PLEKHM3: variants seen among roughly 807,000 people sequenced by gnomAD.
PLEKHM3 encodes the protein pleckstrin homology domain-containing family M member 3.
Under a neutral mutation model 81.8 loss-of-function variants are expected in PLEKHM3, and 45 were observed. The observed-to-expected ratio is 0.55, with a 90% CI of 0.43 to 0.71. PLEKHM3 has a LOEUF of 0.71. Ranked by LOEUF, PLEKHM3 falls within the 30% of genes least tolerant of loss-of-function variation. The probability of loss-of-function intolerance (pLI) is 0.00; values close to 1 mark genes in which losing one functional copy is unlikely to be tolerated. For missense variants in PLEKHM3, 788 were observed against 924.3 expected (o/e 0.85, Z 1.91); for synonymous variants, 352 against 356.4 (o/e 0.99, Z 0.14).
chr2:208,007,535 G>A (rs1300815372), intron 1 of PLEKHM3, among the ~76,000 whole-genome samples: 1 of 152,186 alleles, frequency 6.6e-6, no homozygotes, highest in Non-Finnish European at 1.5e-5. Context: ...ATTTTCATAG[G>A]TTTGAAGCAA....
intron 6 of PLEKHM3, among the ~76,000 whole-genome samples, chr2:207,873,246 C>T (rs2092544121): frequency 6.6e-6 from 1 of 152,002 alleles, no homozygotes; most frequent in Non-Finnish European, 1.5e-5. Flanking sequence ...TTTCATTGCT[C>T]AATGAAGCTG....
In PLEKHM3 at chr2:208,000,268, C is replaced by T. The variant is rs189896049; in HGVS notation, c.610+762G>A. On this transcript the variant is annotated intron_variant, in intron 2 of 7. Coordinates refer to ENST00000427836, the MANE Select transcript of PLEKHM3 (RefSeq NM_001080475.3). Reference sequence around the variant, plus strand: ...CAGGGTCTGCTTGCTCTCTTCTGCACGCCCTTCTCCCCACCTTTGTTTACA... The same window carrying T: ...CAGGGTCTGCTTGCTCTCTTCTGCATGCCCTTCTCCCCACCTTTGTTTACA... Among the ~76,000 whole-genome samples the T allele has an allele frequency of 3.7e-4, 57 of 152,278 alleles. 1 individual carries two copies. The highest frequency in any genetic ancestry group is 2.3e-3 in the East Asian group (12 of 5,178).
At chr2:208,021,334 C>T (rs1055726400) in intron 1 of PLEKHM3, among the ~76,000 whole-genome samples, 1 of 152,206 alleles carries the variant, frequency 6.6e-6, no homozygotes, top group African/African-American at 2.4e-5. Flanking sequence ...TTTTAATGAA[C>T]ATTCAGCCAT....
intron 1 of PLEKHM3, among the ~76,000 whole-genome samples, chr2:208,020,104 C>A (rs1412899330): frequency 6.6e-6 from 1 of 152,180 alleles, no homozygotes; most frequent in African/African-American, 2.4e-5. Context: ...ATCACACCTA[C>A]AGAACACAAG....
At chr2:207,833,602 T>A (rs1331268938) in intron 7 of PLEKHM3, among the ~76,000 whole-genome samples, 1 of 152,062 alleles carries the variant, frequency 6.6e-6, no homozygotes, top group African/African-American at 2.4e-5. Flanking sequence ...TGTGAGGGGG[T>A]GTCCTGTGCA....
Position 207,938,776 on chromosome 2 carries a change from A to G in PLEKHM3, c.1692+7591T>C, listed in dbSNP as rs115035260. 2.2e-4 allele frequency among the ~76,000 whole-genome samples: 33 copies of G among 152,320 alleles called. 1 individual carries two copies. Among genetic ancestry groups the G allele is most frequent in the African/African-American group, 7.5e-4 (31 of 41,574 alleles). On this transcript the variant is annotated intron_variant, in intron 4 of 7. Coordinates refer to ENST00000427836, the MANE Select transcript of PLEKHM3 (RefSeq NM_001080475.3). ...AACACGGATGAAGCGAGTGTACCTA[A>G]TATCTTCAATTGCCTAGCTATCCTC... is the stretch of plus-strand genomic sequence containing the variant.
At chr2:207,973,649 G>C (rs925879015) in intron 3 of PLEKHM3, among the ~76,000 whole-genome samples, 2 of 152,132 alleles carry the variant, frequency 1.3e-5, no homozygotes, top group Admixed American at 6.5e-5. Flanking sequence ...TGAGGCAGGA[G>C]AATCACTTGA....
chr2:208,011,766 T>A (rs886832734), intron 1 of PLEKHM3, among the ~76,000 whole-genome samples: 5 of 151,356 alleles, frequency 3.3e-5, no homozygotes, highest in Admixed American at 3.3e-4. Context: ...TAAAAAAAAT[T>A]TTTAAGTGCT....
chr2:207,823,007 C>A lies in PLEKHM3; in HGVS notation c.*5312G>T, dbSNP rs537416665. ...GAGAGGCTGGTTTGCAGCTTCACGG[C>A]CAATAGGAGGGAGCCCTCCTAAGAG... On this transcript the variant is annotated 3_prime_UTR_variant, in exon 8 of 8. Transcript: ENST00000427836. The A allele has an allele frequency of 3.3e-5, 5 of 152,386 alleles. No homozygotes were observed. In the East Asian group the frequency reaches 5.8e-4, roughly 18 times the overall value. 9.4% of individuals were successfully genotyped at this position (152,386 alleles called of 1,614,324 possible). A position where few individuals can be genotyped will look rare whatever the true frequency, so the allele number is the denominator to read the frequency against.
intron 3 of PLEKHM3, among the ~76,000 whole-genome samples, chr2:207,947,205 C>T (rs1442475041): frequency 6.6e-6 from 1 of 152,132 alleles, no homozygotes; most frequent in Admixed American, 6.6e-5. Flanking sequence ...CCTCATTGTT[C>T]CCCAAATAAA....
At chr2:207,983,490 ATCACCATT>A (rs2106049430) in intron 2 of PLEKHM3, among the ~76,000 whole-genome samples, 1 of 152,244 alleles carries the variant, frequency 6.6e-6, no homozygotes, top group South Asian at 2.1e-4. Context: ...CGGACAGAGT[ATCACCATT>A]TCCCCAAAGA....
rs1373798143 is a variant in PLEKHM3, at chr2:207,821,632, A to C, written c.*6687T>G. The C allele has an allele frequency of 6.6e-6, 1 of 152,212 alleles. No individual in the cohort carries two copies. The highest frequency in any genetic ancestry group is 2.4e-5 in the African/African-American group (1 of 41,458). 9.4% of individuals were successfully genotyped at this position (152,212 alleles called of 1,614,324 possible). On this transcript the variant is annotated 3_prime_UTR_variant, in exon 8 of 8. Coordinates refer to ENST00000427836, the MANE Select transcript of PLEKHM3 (RefSeq NM_001080475.3). ...GAGCAGATATAAGAAAAAATGGCATAGACCTGACCCAGGAGCTACAGAACA... is the reference window on the plus strand; with the variant it reads ...GAGCAGATATAAGAAAAAATGGCATCGACCTGACCCAGGAGCTACAGAACA...
At chr2:207,997,744 A>G (rs541263404) in intron 2 of PLEKHM3, among the ~76,000 whole-genome samples, 10 of 152,284 alleles carry the variant, frequency 6.6e-5, no homozygotes, top group African/African-American at 2.2e-4. Flanking sequence ...AATGCTCACC[A>G]GGCAGTTGGA....
At chr2:208,014,976 G>A (rs1196827108) in intron 1 of PLEKHM3, among the ~76,000 whole-genome samples, 1 of 152,198 alleles carries the variant, frequency 6.6e-6, no homozygotes, top group African/African-American at 2.4e-5. Context: ...AAGGTAGAAT[G>A]ATATATTTGA....
intron 7 of PLEKHM3, among the ~76,000 whole-genome samples, chr2:207,830,781 G>A (rs1298948373): frequency 6.6e-6 from 1 of 151,888 alleles, no homozygotes; most frequent in South Asian, 2.1e-4. Flanking sequence ...GCAGCGCCCT[G>A]TGGGGACATA....
At position 207,931,068 on chromosome 2, in the gene PLEKHM3, T is replaced by C; in HGVS notation, c.1744A>G (p.Ile582Val). ...ATGGCGTTCTCCTGCTGGATGTCGATGAGCGGCTCTTCGTACACGTACTCC... is the reference window on the plus strand; with the variant it reads ...ATGGCGTTCTCCTGCTGGATGTCGACGAGCGGCTCTTCGTACACGTACTCC... ...FLEYVYEEPL[I>V]DIQQENAMLY... is the part of the protein sequence containing the mutation. Residue 582 changes from isoleucine (I) to valine (V), a missense_variant, in exon 5 of 8, where the codon ATC becomes GTC. Physicochemically the swap from Ile to Val is conservative, Grantham distance 29. Coordinates refer to ENST00000427836, the MANE Select transcript of PLEKHM3 (RefSeq NM_001080475.3). The C allele has an allele frequency of 6.2e-7, 1 of 1,614,090 alleles. No homozygotes were observed. The highest frequency in any genetic ancestry group is 8.5e-7 in the Non-Finnish European group (1 of 1,179,940).
Position 207,861,223 on chromosome 2 carries a change from T to C in PLEKHM3, c.1990A>G (p.Ile664Val). The C allele has an allele frequency of 6.2e-7, 1 of 1,614,136 alleles. No individual in the cohort carries two copies. Among genetic ancestry groups the C allele is most frequent in the Non-Finnish European group, 8.5e-7 (1 of 1,180,012 alleles). The change falls in exon 7 of 8, where the codon ATT becomes GTT. Residue 664 changes from isoleucine (I) to valine (V), a missense_variant. By Grantham distance (29) the Ile-to-Val change is conservative. Transcript: ENST00000427836. ...TACACGTGTGAGGTGGCAAATTTAA[T>C]GACCTTGCCCAAGAATGGAGCCAGC... is the stretch of plus-strand genomic sequence containing the variant. ...GKLAPFLGKV[I>V]KFATSHVYSC... is the part of the protein sequence containing the mutation.
At chr2:207,984,024 T>C (rs143135778) in intron 2 of PLEKHM3, among the ~76,000 whole-genome samples, 94 of 152,302 alleles carry the variant, frequency 6.2e-4, no homozygotes, top group Middle Eastern at 3.4e-3. Context: ...GTAAAGTCCA[T>C]ACTCCTTAGC....
At chr2:207,840,050 G>C (rs2092341446) in intron 7 of PLEKHM3, among the ~76,000 whole-genome samples, 1 of 152,180 alleles carries the variant, frequency 6.6e-6, no homozygotes, top group African/African-American at 2.4e-5. Context: ...GAATTCTGAT[G>C]AACACAGAAG....
Sources: gnomAD v4.1 joint callset for allele counts (sites outside exome capture counted in the v4.1 genomes callset) on GRCh38, gnomAD v4.1.1 for gene constraint, MANE v1.5 for transcripts, NCBI Gene and HGNC (gene_info 2026-07-23, HGNC 2026-07-21) for gene names.